VRK1: variants seen among roughly 807,000 people sequenced by gnomAD.
VRK1 encodes serine/threonine-protein kinase VRK1.
A neutral mutation model predicts 57.1 loss-of-function variants in VRK1; 33 were observed. The observed-to-expected ratio is 0.58, with a 90% CI of 0.44 to 0.77. The LOEUF (loss-of-function observed/expected upper bound fraction) is 0.77, where lower values mean the gene tolerates loss of function less well. Ranked by LOEUF, VRK1 falls within the 30% of genes least tolerant of loss-of-function variation. VRK1 has a pLI of 0.00. For synonymous variants in VRK1, 137 were observed against 147.8 expected, an observed-to-expected ratio of 0.93 and a Z score of 0.53; for missense variants, 413 against 477.3, an observed-to-expected ratio of 0.87 and a Z score of 1.25.
At chr14:96,840,442 A>G (rs1887410723) in intron 3 of VRK1, among the ~76,000 whole-genome samples, 1 of 152,116 alleles carries the variant, frequency 6.6e-6, no homozygotes, top group African/African-American at 2.4e-5. Context: ...GCTTCTTTTC[A>G]TGATGGCCTT....
chr14:96,874,915 G>T (rs1888965565), intron 11 of VRK1, among the ~76,000 whole-genome samples: 1 of 152,144 alleles, frequency 6.6e-6, no homozygotes. Context: ...AAAATGGCCT[G>T]CAGCAAGGAA....
intron 12 of VRK1, among the ~76,000 whole-genome samples, chr14:96,877,893 T>C (rs1295670614): frequency 4.6e-5 from 7 of 152,218 alleles, no homozygotes; most frequent in Non-Finnish European, 7.3e-5. Context: ...TTTAAGGTCT[T>C]CTACTGATGC....
intron 1 of VRK1, among the ~76,000 whole-genome samples, chr14:96,828,378 T>G (rs911299049): frequency 1.3e-5 from 2 of 152,218 alleles, no homozygotes; most frequent in African/African-American, 4.8e-5. Context: ...GTCAGACTTT[T>G]GCAGTTGAAG....
intron 2 of VRK1, among the ~76,000 whole-genome samples, chr14:96,835,892 G>A (rs2139754085): frequency 6.6e-6 from 1 of 152,166 alleles, no homozygotes; most frequent in South Asian, 2.1e-4. Context: ...GCACACCATT[G>A]TTTTCAGTAT....
chr14:96,824,395 G>A (rs1886719295), intron 1 of VRK1, among the ~76,000 whole-genome samples: 1 of 152,172 alleles, frequency 6.6e-6, no homozygotes. Context: ...TTTCAAGAAA[G>A]AAAGAATGAG....
chr14:96,880,834 G>A (rs911014785), intron 12 of VRK1, among the ~76,000 whole-genome samples: 2 of 152,058 alleles, frequency 1.3e-5, no homozygotes, highest in Non-Finnish European at 2.9e-5. Flanking sequence ...GTTTATATTT[G>A]GAGATAATGT....
chr14:96,814,590 C>T (rs1349918821), intron 1 of VRK1, among the ~76,000 whole-genome samples: 1 of 152,124 alleles, frequency 6.6e-6, no homozygotes, highest in Non-Finnish European at 1.5e-5. Context: ...ACCCTTAAGG[C>T]ATTCTCTGCT....
intron 10 of VRK1, 136 bp from the exon 11 acceptor site, chr14:96,860,421 G>A (rs1888339133): frequency 2.6e-6 from 2 of 774,192 alleles, no homozygotes; most frequent in African/African-American, 1.8e-5. Flanking sequence ...ACTTTTCATT[G>A]AAGTGATTGA....
chr14:96,855,214 A>T lies in VRK1; in HGVS notation c.577-10A>T, dbSNP rs750262805. 6.2e-7 allele frequency: 1 copy of T among 1,613,850 alleles called. No homozygotes were observed. Among genetic ancestry groups the T allele is most frequent in the Non-Finnish European group, 8.5e-7 (1 of 1,179,834 alleles). ...GACTTTAGTTTGTCTTGGTGCTTGG[A>T]AATTTATAGGTGTACTTGGTAGATT... On this transcript the variant is annotated splice_polypyrimidine_tract_variant and intron_variant, in intron 7 of 12. Transcript: ENST00000216639.
chr14:96,842,779 A>G (rs1566702166), intron 3 of VRK1, among the ~76,000 whole-genome samples: 1 of 152,192 alleles, frequency 6.6e-6, no homozygotes, highest in Non-Finnish European at 1.5e-5. Context: ...TCTTTTGTGC[A>G]TCAAGATTGA....
At chr14:96,823,039 T>C (rs143011044) in intron 1 of VRK1, among the ~76,000 whole-genome samples, 1 of 152,324 alleles carries the variant, frequency 6.6e-6, no homozygotes, top group East Asian at 1.9e-4. Flanking sequence ...CTCAACTCCT[T>C]CAAGTCCTTG....
intron 1 of VRK1, among the ~76,000 whole-genome samples, chr14:96,826,582 CAG>C (rs1198587345): frequency 2.0e-5 from 3 of 152,222 alleles, no homozygotes; most frequent in African/African-American, 4.8e-5. Context: ...TGCATAGAGT[CAG>C]AGGGGCTGAA....
intron 11 of VRK1, among the ~76,000 whole-genome samples, chr14:96,873,541 G>A (rs950883962): frequency 2.6e-5 from 4 of 152,022 alleles, no homozygotes; most frequent in African/African-American, 9.7e-5. Flanking sequence ...CATATTAAAC[G>A]CAAAGGCACC....
intron 12 of VRK1, among the ~76,000 whole-genome samples, chr14:96,880,813 A>G (rs1330650544): frequency 3.9e-5 from 6 of 152,324 alleles, no homozygotes; most frequent in East Asian, 1.9e-4. Flanking sequence ...ATGCTTATCT[A>G]TATTGCTAAG....
chr14:96,838,426 A>T (rs905071811), intron 3 of VRK1, among the ~76,000 whole-genome samples: 1 of 152,152 alleles, frequency 6.6e-6, no homozygotes, highest in Non-Finnish European at 1.5e-5. Flanking sequence ...TAAGTCAATT[A>T]TGTGCCTTTT....
intron 3 of VRK1, among the ~76,000 whole-genome samples, chr14:96,843,017 T>C (rs1887528187): frequency 1.3e-5 from 2 of 152,182 alleles, no homozygotes; most frequent in Admixed American, 6.5e-5. Context: ...AAATCTCTTA[T>C]TTGGCATTGG....
At chr14:96,825,257 C>G (rs1413004089) in intron 1 of VRK1, among the ~76,000 whole-genome samples, 1 of 152,126 alleles carries the variant, frequency 6.6e-6, no homozygotes, top group African/African-American at 2.4e-5. Flanking sequence ...TCTGTTTTCT[C>G]TCTAAACTAG....
intron 3 of VRK1, 49 bp downstream of exon 3, chr14:96,837,866 G>A: frequency 1.4e-6 from 2 of 1,401,114 alleles, no homozygotes; most frequent in African/African-American, 1.5e-5. Flanking sequence ...ATTTGGTGTA[G>A]TATTTTGTAA....
At chr14:96,853,040 C>G (rs774930914) in intron 6 of VRK1, 34 bp from the exon 7 acceptor site, 4 of 1,609,258 alleles carry the variant, frequency 2.5e-6, no homozygotes, top group Non-Finnish European at 3.4e-6. Flanking sequence ...GTGTTAGGTA[C>G]TGCATTAACT....
Sources: allele counts gnomAD v4.1 joint callset (sites outside exome capture counted in the v4.1 genomes callset), GRCh38; gene constraint gnomAD v4.1.1; transcripts MANE v1.5; gene names NCBI Gene and HGNC (gene_info 2026-07-23, HGNC 2026-07-21).